PGM3: variants seen among roughly 807,000 people sequenced by gnomAD.
PGM3 encodes phosphoacetylglucosamine mutase.
PGM3 carries 40 observed loss-of-function variants against 66.2 expected under a neutral mutation model. The observed-to-expected ratio is 0.60, with a 90% CI of 0.47 to 0.79. The LOEUF (loss-of-function observed/expected upper bound fraction) is 0.79. Ranked by LOEUF, PGM3 falls within the 30% of genes least tolerant of loss-of-function variation. The pLI is 0.00. For missense variants in PGM3, 537 were observed against 643.4 expected (o/e 0.83, Z 1.79); for synonymous variants, 191 against 224.2 (o/e 0.85, Z 1.32).
At position 83,168,347 on chromosome 6, in the gene PGM3, T is replaced by C. The variant is rs1786353514; in HGVS notation, c.*887A>G. 11 of 1,407,880 alleles carry C rather than the reference T, an allele frequency of 7.8e-6. No homozygotes were observed. The South Asian group carries it at 1.7e-4, about 22-fold the overall frequency. 87.2% of individuals were successfully genotyped at this position (1,407,880 alleles called of 1,614,324 possible). On this transcript the variant is annotated 3_prime_UTR_variant, in exon 13 of 13. Coordinates refer to ENST00000513973, the MANE Select transcript of PGM3 (RefSeq NM_015599.3). ...GAATGTGGCCTGAATCAAGTTTAAA[T>C]ATTGTTGGCTCATACTGATTATGGT...
rs1186080544 is a variant in PGM3, at chr6:83,181,828, A to T, written c.695T>A (p.Leu232Gln). ...CCCATCATTAAACAGCTGAACTGAC[A>T]GGCCCTGTGAGAAGTAGTGTTCCAT... is the stretch of plus-strand genomic sequence containing the variant. ...REMEHYFSQG[L>Q]SVQLFNDGSK... Residue 232 changes from leucine (L) to glutamine (Q), a missense_variant, in exon 6 of 13, where the codon CTG becomes CAG. By Grantham distance (113) the Leu-to-Gln change is moderately radical. Transcript: ENST00000513973. 1 of 1,613,924 alleles carries T rather than the reference A, an allele frequency of 6.2e-7. No homozygotes were observed.
chr6:83,186,438 T>C (rs1274959585), intron 4 of PGM3, among the ~76,000 whole-genome samples: 1 of 152,142 alleles, frequency 6.6e-6, no homozygotes, highest in Non-Finnish European at 1.5e-5. Flanking sequence ...GAGTGGACGT[T>C]TGTTTTAATG....
chr6:83,152,076 T>TA, the PGM3 span: 3 of 1,601,496 alleles, frequency 1.9e-6, no homozygotes, highest in South Asian at 3.3e-5. Flanking sequence ...AGGCATATAT[T>TA]TACTAAGAAA....
chr6:83,184,716 G>A (rs1788446645), intron 4 of PGM3, among the ~76,000 whole-genome samples: 1 of 152,134 alleles, frequency 6.6e-6, no homozygotes, highest in Non-Finnish European at 1.5e-5. Context: ...CGGCCTAGCT[G>A]GTCTGTTTCC....
chr6:83,159,600 T>C (rs1783751523), downstream of PGM3: 26 of 647,544 alleles, frequency 4.0e-5, no homozygotes, highest in South Asian at 5.1e-4. Flanking sequence ...CTATGTACTG[T>C]TTTTGCATTC....
downstream of PGM3, chr6:83,164,783 C>T: frequency 7.3e-7 from 1 of 1,378,234 alleles, no homozygotes; most frequent in South Asian, 1.3e-5. Context: ...GAGACACAAA[C>T]CCAGGTCTGA....
At chr6:83,173,440 T>C (rs949739004) in intron 10 of PGM3, among the ~76,000 whole-genome samples, 2 of 152,196 alleles carry the variant, frequency 1.3e-5, no homozygotes, top group Non-Finnish European at 2.9e-5. Context: ...TTTGAGATAT[T>C]ACCCCACAAT....
chr6:83,164,749 T>G (rs1562392601), downstream of PGM3: 1 of 1,561,614 alleles, frequency 6.4e-7, no homozygotes, highest in Non-Finnish European at 8.7e-7. Flanking sequence ...GCTTATGATA[T>G]GGCAGCAAAA....
At chr6:83,164,282 G>C (rs1391542707), downstream of PGM3, among the ~76,000 whole-genome samples, 1 of 151,656 alleles carries the variant, frequency 6.6e-6, no homozygotes, top group Non-Finnish European at 1.5e-5. Flanking sequence ...AGTTGCTTCT[G>C]TAGGGGCTTA....
the PGM3 span, chr6:83,151,769 T>C: frequency 6.9e-7 from 1 of 1,439,558 alleles, no homozygotes; most frequent in Middle Eastern, 1.8e-4. Flanking sequence ...GAACATTCTA[T>C]GGGAATCAAC....
At chr6:83,188,435 A>C (rs1583293943) in intron 3 of PGM3, 179 bp downstream of exon 3, 1 of 541,112 alleles carries the variant, frequency 1.8e-6, no homozygotes, top group Non-Finnish European at 3.3e-6. Context: ...CAGACTCCAA[A>C]CCCCAAGCTG....
In PGM3 at chr6:83,166,721, C is replaced by A. The variant is rs1338689618; in HGVS notation, c.*2513G>T. Reference sequence around the variant, plus strand: ...TTTCAGGATTTTACTTTAAAATAAGCAATAAGCTTGAGAGCACATAGAAGA... The same window carrying A: ...TTTCAGGATTTTACTTTAAAATAAGAAATAAGCTTGAGAGCACATAGAAGA... On this transcript the variant is annotated 3_prime_UTR_variant, in exon 13 of 13. Transcript: ENST00000513973. The A allele has an allele frequency of 1.7e-6, 2 of 1,201,174 alleles. No individual in the cohort carries two copies. Among genetic ancestry groups the A allele is most frequent in the Non-Finnish European group, 2.1e-6 (2 of 968,336 alleles). 74.4% of individuals were successfully genotyped at this position (1,201,174 alleles called of 1,614,324 possible). A position where few individuals can be genotyped will look rare whatever the true frequency, so the allele number is the denominator to read the frequency against.
Position 83,168,130 on chromosome 6 carries a change from T to C in PGM3, c.*1104A>G, listed in dbSNP as rs1786303779. The C allele has an allele frequency of 1.2e-6, 2 of 1,612,932 alleles. No individual in the cohort carries two copies. Among genetic ancestry groups the C allele is most frequent in the South Asian group, 2.2e-5 (2 of 90,886 alleles). Reference sequence around the variant, plus strand: ...GCCAGGCAAAAAATAGAAGAGATGGTAGAAAAAGATTTTCTGGAAGGGATG... The same window carrying C: ...GCCAGGCAAAAAATAGAAGAGATGGCAGAAAAAGATTTTCTGGAAGGGATG... On this transcript the variant is annotated 3_prime_UTR_variant, in exon 13 of 13. Coordinates refer to ENST00000513973, the MANE Select transcript of PGM3 (RefSeq NM_015599.3).
At chr6:83,173,587 C>T (rs770257385) in intron 10 of PGM3, among the ~76,000 whole-genome samples, 49 of 152,128 alleles carry the variant, frequency 3.2e-4, no homozygotes, top group Non-Finnish European at 4.0e-4. Context: ...GTAAGGATTA[C>T]ACAGCAAGGT....
the PGM3 span, chr6:83,152,116 A>T: frequency 0.012 from 16,840 of 1,455,416 alleles, 137 homozygotes; most frequent in Non-Finnish European, 0.013. Flanking sequence ...AAGTACCACA[A>T]ATTTATCCCT....
At chr6:83,164,067 A>G (rs1391951505), downstream of PGM3, among the ~76,000 whole-genome samples, 4 of 148,766 alleles carry the variant, frequency 2.7e-5, no homozygotes, top group African/African-American at 1.0e-4. Flanking sequence ...AAATTGTACA[A>G]TTTGGGAGTG....
At chr6:83,164,533 A>C, downstream of PGM3, 1 of 921,340 alleles carries the variant, frequency 1.1e-6, no homozygotes, top group Non-Finnish European at 1.7e-6. Context: ...AATTTGTCCC[A>C]CAGAATAAGA....
At chr6:83,153,629 ATTAT>A in the PGM3 span, 2 of 1,549,830 alleles carry the variant, frequency 1.3e-6, no homozygotes, top group Non-Finnish European at 1.7e-6. Flanking sequence ...AGGTACTATC[ATTAT>A]TTAAATAGTT....
At chr6:83,153,641 G>A in the PGM3 span, 1 of 1,523,346 alleles carries the variant, frequency 6.6e-7, no homozygotes, top group African/African-American at 1.4e-5. Context: ...TATTTAAATA[G>A]TTTTTAAAAT....
Sources: gnomAD v4.1 joint callset for allele counts (sites outside exome capture counted in the v4.1 genomes callset) on GRCh38, gnomAD v4.1.1 for gene constraint, MANE v1.5 for transcripts, NCBI Gene and HGNC (gene_info 2026-07-23, HGNC 2026-07-21) for gene names.